KIF3B: variants seen among roughly 807,000 people sequenced by gnomAD.
KIF3B encodes the protein kinesin family member 3B.
KIF3B carries 38 observed loss-of-function variants against 74.3 expected under a neutral mutation model. The ratio of observed to expected loss-of-function variants is 0.51; its 90% CI spans 0.39 to 0.67. KIF3B has a LOEUF of 0.67. Among genes scored for constraint, KIF3B ranks in the 30% least tolerant of loss-of-function variants. The probability of loss-of-function intolerance (pLI) is 0.00; values close to 1 mark genes in which losing one functional copy is unlikely to be tolerated. For synonymous variants in KIF3B, 326 were observed against 342.5 expected (o/e 0.95, Z 0.53); for missense variants, 649 against 932.0 (o/e 0.70, Z 3.95).
Position 32,331,449 on chromosome 20 carries a change from C to A in KIF3B, c.*130C>A. 2 of 664,718 alleles carry A rather than the reference C, an allele frequency of 3.0e-6. No individual in the cohort carries two copies. Among genetic ancestry groups the A allele is most frequent in the Non-Finnish European group, 2.5e-6 (1 of 392,268 alleles). 41.2% of individuals were successfully genotyped at this position (664,718 alleles called of 1,614,324 possible). A position where few individuals can be genotyped will look rare whatever the true frequency, so the allele number is the denominator to read the frequency against. ...CTGAGGAGAAGCGGTGGCCTCTTTG[C>A]AGATCAACCAACTTAATCTGGTTGA... On this transcript the variant is annotated 3_prime_UTR_variant, in exon 9 of 9. Transcript: ENST00000375712.
intron 1 of KIF3B, among the ~76,000 whole-genome samples, chr20:32,303,527 T>C (rs1471813331): frequency 6.6e-6 from 1 of 150,956 alleles, no homozygotes; most frequent in Non-Finnish European, 1.5e-5. Context: ...ATCATGCCAC[T>C]GTACTCCAGC....
At position 32,298,348 on chromosome 20, in the gene KIF3B, A is replaced by G. The variant is rs6058624; in HGVS notation, c.-65-11365A>G. On this transcript the variant is annotated intron_variant, in intron 1 of 8. Transcript: ENST00000375712. Reference sequence around the variant, plus strand: ...GCTACTCAGGAGGCTGAGGCGGAAAATCGCCAGGGAGGCGGAGGTTGCAGT... The same window carrying G: ...GCTACTCAGGAGGCTGAGGCGGAAAGTCGCCAGGGAGGCGGAGGTTGCAGT... Among the ~76,000 whole-genome samples the G allele has an allele frequency of 7.4e-3, 1,089 of 147,002 alleles. 13 individuals are homozygous for G. The highest frequency in any genetic ancestry group is 0.025 in the African/African-American group (998 of 39,650).
intron 1 of KIF3B, among the ~76,000 whole-genome samples, chr20:32,284,982 C>T (rs1395066878): frequency 6.6e-6 from 1 of 151,676 alleles, no homozygotes; most frequent in Non-Finnish European, 1.5e-5. Flanking sequence ...GTCTATTGCT[C>T]TTTCTACCAT....
intron 2 of KIF3B, among the ~76,000 whole-genome samples, chr20:32,313,917 A>G (rs1407341345): frequency 1.3e-5 from 2 of 152,160 alleles, no homozygotes; most frequent in East Asian, 3.9e-4. Flanking sequence ...TATGTTGCCT[A>G]GGCTGGTCTT....
intron 1 of KIF3B, among the ~76,000 whole-genome samples, chr20:32,297,213 G>T (rs2047721132): frequency 6.6e-6 from 1 of 152,210 alleles, no homozygotes; most frequent in Non-Finnish European, 1.5e-5. Context: ...GCAGGTGGTT[G>T]CGTGATCTGA....
At chr20:32,323,877 T>C (rs1479128398) in intron 5 of KIF3B, among the ~76,000 whole-genome samples, 1 of 151,698 alleles carries the variant, frequency 6.6e-6, no homozygotes, top group Admixed American at 6.6e-5. Flanking sequence ...AAACTCCATC[T>C]CAAAAAGTAT....
At chr20:32,297,691 A>T (rs1475032592) in intron 1 of KIF3B, among the ~76,000 whole-genome samples, 1 of 152,156 alleles carries the variant, frequency 6.6e-6, no homozygotes, top group Non-Finnish European at 1.5e-5. Flanking sequence ...TGAGCAAAGC[A>T]TGCTAGATAT....
intron 1 of KIF3B, among the ~76,000 whole-genome samples, chr20:32,305,303 G>C (rs1389672070): frequency 6.6e-6 from 1 of 152,028 alleles, no homozygotes; most frequent in East Asian, 1.9e-4. Flanking sequence ...GGTCAAGGCT[G>C]CAGTGAGCTG....
intron 1 of KIF3B, among the ~76,000 whole-genome samples, chr20:32,302,156 A>C (rs538162260): frequency 1.3e-5 from 2 of 152,338 alleles, no homozygotes; most frequent in East Asian, 3.9e-4. Context: ...GGTAATAAAG[A>C]AAGAGTATCA....
chr20:32,277,972 A>G (rs1004292659), intron 1 of KIF3B, among the ~76,000 whole-genome samples: 1 of 152,032 alleles, frequency 6.6e-6, no homozygotes, highest in African/African-American at 2.4e-5. Flanking sequence ...ACCCCCAGAC[A>G]CGGCCACCTT....
intron 5 of KIF3B, among the ~76,000 whole-genome samples, chr20:32,325,478 C>T (rs1600439117): frequency 6.6e-6 from 1 of 152,168 alleles, no homozygotes; most frequent in East Asian, 1.9e-4. Context: ...GTGTGAGCCA[C>T]TGGGCCTGGC....
chr20:32,292,133 C>T (rs367975317), intron 1 of KIF3B, among the ~76,000 whole-genome samples: 2 of 151,670 alleles, frequency 1.3e-5, no homozygotes, highest in East Asian at 2.0e-4. Flanking sequence ...GAGACAGGAT[C>T]TTGCCATCTT....
chr20:32,330,382 A>G (rs2047924629), intron 8 of KIF3B, 63 bp downstream of exon 8: 2 of 1,443,190 alleles, frequency 1.4e-6, no homozygotes, highest in Non-Finnish European at 1.9e-6. Flanking sequence ...AACCAAAGCA[A>G]GAATGCTTGT....
intron 7 of KIF3B, 77 bp from the exon 8 acceptor site, chr20:32,330,064 G>C (rs2047922760): frequency 6.8e-6 from 9 of 1,322,406 alleles, no homozygotes. Flanking sequence ...TTCTATTCTT[G>C]GAGGGGCCCT....
chr20:32,314,724 A>G (rs1025553338), intron 2 of KIF3B, among the ~76,000 whole-genome samples: 2 of 152,180 alleles, frequency 1.3e-5, no homozygotes, highest in Non-Finnish European at 1.5e-5. Context: ...TTGGGGTCCC[A>G]TACTTTTTAG....
At chr20:32,291,385 A>G (rs2047690494) in intron 1 of KIF3B, among the ~76,000 whole-genome samples, 2 of 152,058 alleles carry the variant, frequency 1.3e-5, no homozygotes. Flanking sequence ...TGAACCCATT[A>G]CCCACCTCCA....
In KIF3B at chr20:32,326,908, A is replaced by G. The variant is rs377476341; in HGVS notation, c.1862+24A>G. The G allele has an allele frequency of 3.2e-5, 35 of 1,109,734 alleles. No individual in the cohort carries two copies. In the African/African-American group the frequency reaches 4.7e-4, roughly 15 times the overall value. The allele number at this position is 1,109,734 out of a possible 1,614,324, so 68.7% of individuals were successfully genotyped here. A position where few individuals can be genotyped will look rare whatever the true frequency, so the allele number is the denominator to read the frequency against. On this transcript the variant is annotated intron_variant, in intron 6 of 8. Coordinates refer to ENST00000375712, the MANE Select transcript of KIF3B (RefSeq NM_004798.4). ...GAGTAAGTCACTATTAACTTCAAGT[A>G]TATTTTCAAGTATGAGGGAGGAAAA...
chr20:32,316,086 G>A, intron 2 of KIF3B, 132 bp from the exon 3 acceptor site: 1 of 661,494 alleles, frequency 1.5e-6, no homozygotes, highest in Non-Finnish European at 2.7e-6. Context: ...GCTGAGCACA[G>A]TGTATTTTTT....
chr20:32,305,490 CT>C (rs2047765450), intron 1 of KIF3B, among the ~76,000 whole-genome samples: 2 of 151,788 alleles, frequency 1.3e-5, no homozygotes, highest in African/African-American at 4.8e-5. Context: ...ATCCTTTCTT[CT>C]GCTCCCTGAG....
Sources: gnomAD v4.1 joint callset for allele counts (sites outside exome capture counted in the v4.1 genomes callset) on GRCh38, gnomAD v4.1.1 for gene constraint, MANE v1.5 for transcripts, NCBI Gene and HGNC (gene_info 2026-07-23, HGNC 2026-07-21) for gene names.